Variants in LRRC57 observed in about 807,000 individuals in gnomAD.
LRRC57 encodes leucine rich repeat containing 57.
Under a neutral mutation model 23.1 loss-of-function variants are expected in LRRC57, and 14 were observed. The observed-to-expected ratio is 0.61, with a 90% confidence interval of 0.40 to 0.95. The LOEUF is 0.95. LRRC57 is among the 40% of genes least tolerant of loss of function. The pLI is 0.00. For missense variants in LRRC57, 236 were observed against 284.4 expected (o/e 0.83, Z 1.22); for synonymous variants, 106 against 115.2 (o/e 0.92, Z 0.51).
Position 42,548,346 on chromosome 15 carries a change from C to A in LRRC57, c.84+5G>T. On this transcript the variant is annotated splice_donor_5th_base_variant and intron_variant, in intron 2 of 5. Coordinates refer to ENST00000397130, the MANE Select transcript of LRRC57 (RefSeq NM_153260.3). ...GTTCCCTGGTCGTGTCCCTCCCAGT[C>A]TCACCTCGGTCAGCCCTCGGTCCTT... 2 of 1,614,260 alleles carry A rather than the reference C, an allele frequency of 1.2e-6. No individual in the cohort carries two copies. The highest frequency in any genetic ancestry group is 1.3e-5 in the African/African-American group (1 of 75,068).
the LRRC57 span, among the ~76,000 whole-genome samples, chr15:42,530,132 A>G: frequency 3.9e-5 from 6 of 152,228 alleles, no homozygotes; most frequent in East Asian, 1.2e-3. Flanking sequence ...TTTGTTAACT[A>G]ATTTTTTAAT....
chr15:42,531,439 T>C, the LRRC57 span: 1 of 1,596,602 alleles, frequency 6.3e-7, no homozygotes, highest in Admixed American at 1.7e-5. Flanking sequence ...ATCGTATTGA[T>C]ATTGCCAATG....
chr15:42,533,706 T>G (rs13380325), downstream of LRRC57, among the ~76,000 whole-genome samples: 660 of 152,360 alleles, frequency 4.3e-3, 4 homozygotes, highest in African/African-American at 0.015. Flanking sequence ...TAAGATCATT[T>G]CTGTGCCTTA....
At chr15:42,535,128 G>GA (rs1399610874), downstream of LRRC57, among the ~76,000 whole-genome samples, 1 of 152,200 alleles carries the variant, frequency 6.6e-6, no homozygotes, top group Non-Finnish European at 1.5e-5. Flanking sequence ...CATCTACATT[G>GA]AAAAATCTAT....
At chr15:42,548,289 G>A (rs1274121723) in intron 2 of LRRC57, 45 bp from the exon 3 acceptor site, 1 of 1,613,846 alleles carries the variant, frequency 6.2e-7, no homozygotes, top group Non-Finnish European at 8.5e-7. Flanking sequence ...CACCGACTAA[G>A]TTCGCCGCCC....
intron 5 of LRRC57, among the ~76,000 whole-genome samples, chr15:42,544,815 T>A (rs201219490): frequency 1.5e-5 from 2 of 131,820 alleles, no homozygotes; most frequent in African/African-American, 3.5e-5. Flanking sequence ...AGACCCTGTC[T>A]CACACACACA....
the LRRC57 span, chr15:42,529,943 C>A: frequency 9.8e-7 from 1 of 1,024,440 alleles, no homozygotes. Context: ...GGTCTTAATT[C>A]TGATGAGGTG....
chr15:42,531,633 T>C, the LRRC57 span: 3 of 511,186 alleles, frequency 5.9e-6, no homozygotes, highest in African/African-American at 3.9e-5. Context: ...CCTTCTTTTT[T>C]GTTTTCTGTT....
At position 42,545,277 on chromosome 15, in the gene LRRC57, C is replaced by T. The variant is rs749345432; in HGVS notation, c.493-15G>A. 6.5e-7 allele frequency: 1 copy of T among 1,542,812 alleles called. No homozygotes were observed. The highest frequency in any genetic ancestry group is 8.7e-7 in the Non-Finnish European group (1 of 1,146,956). Reference sequence around the variant, plus strand: ...ATCTGAGATATCTATTGAAAAACCACAAAAGAATAACAGGAAAAAGCATAA... The same window carrying T: ...ATCTGAGATATCTATTGAAAAACCATAAAAGAATAACAGGAAAAAGCATAA... On this transcript the variant is annotated splice_polypyrimidine_tract_variant and intron_variant, in intron 4 of 5. Coordinates refer to ENST00000397130, the MANE Select transcript of LRRC57 (RefSeq NM_153260.3).
In LRRC57 at chr15:42,538,699, G is replaced by A. The variant is rs774851782; in HGVS notation, c.*5384C>T. ...TACTCTGTCATGGCCACTATGCTAA[G>A]TGCTTTTATATAGTTTTTTGCAACA... On this transcript the variant is annotated 3_prime_UTR_variant, in exon 6 of 6. Transcript: ENST00000397130. 1.1e-4 allele frequency: 16 copies of A among 152,196 alleles called. No individual in the cohort carries two copies. The highest frequency in any genetic ancestry group is 1.8e-4 in the Non-Finnish European group (12 of 68,032). The allele number at this position is 152,196 out of a possible 1,614,324, so 9.4% of individuals were successfully genotyped here.
At chr15:42,537,603 G>A (rs998958203), downstream of LRRC57, among the ~76,000 whole-genome samples, 3 of 152,130 alleles carry the variant, frequency 2.0e-5, no homozygotes, top group Non-Finnish European at 4.4e-5. Flanking sequence ...GGTTATTGCA[G>A]CACTATTCAT....
Position 42,541,179 on chromosome 15 carries a change from T to G in LRRC57, c.*2904A>C, listed in dbSNP as rs2057627417. The stretch of plus-strand genomic sequence containing the variant: ...AACTCCTAAACTGGTATGGATAAAC[T>G]AGTACCCCTTTCAAAGTGAGAAATA... On this transcript the variant is annotated 3_prime_UTR_variant, in exon 6 of 6. Transcript: ENST00000397130. 1 of 152,048 alleles carries G rather than the reference T, an allele frequency of 6.6e-6. No homozygotes were observed. 9.4% of individuals were successfully genotyped at this position (152,048 alleles called of 1,614,324 possible). A position where few individuals can be genotyped will look rare whatever the true frequency, so the allele number is the denominator to read the frequency against.
rs2057640998 is a variant in LRRC57 at position 42,543,390 on chromosome 15, G to C, written c.*693C>G. ...AATTTTTGTATTTTTAGTAGAGACA[G>C]GGTTTCCTCATGTTGGCCACGCTAG... On this transcript the variant is annotated 3_prime_UTR_variant, in exon 6 of 6. Coordinates refer to ENST00000397130, the MANE Select transcript of LRRC57 (RefSeq NM_153260.3). 1 of 151,844 alleles carries C rather than the reference G, an allele frequency of 6.6e-6. No homozygotes were observed. 9.4% of individuals were successfully genotyped at this position (151,844 alleles called of 1,614,324 possible). A position where few individuals can be genotyped will look rare whatever the true frequency, so the allele number is the denominator to read the frequency against.
the LRRC57 span, chr15:42,529,562 T>C: frequency 9.5e-7 from 1 of 1,054,698 alleles, no homozygotes; most frequent in African/African-American, 1.6e-5. Context: ...TATATTCTTT[T>C]GGATCTTATA....
At chr15:42,534,910 T>C (rs1352784733), downstream of LRRC57, among the ~76,000 whole-genome samples, 4 of 152,246 alleles carry the variant, frequency 2.6e-5, no homozygotes, top group Non-Finnish European at 4.4e-5. Flanking sequence ...TTGTTCCATT[T>C]ATAGAGCACA....
the LRRC57 span, chr15:42,532,296 A>C: frequency 6.6e-6 from 1 of 151,908 alleles, no homozygotes; most frequent in South Asian, 2.1e-4. Flanking sequence ...TCACCATGTC[A>C]AGCTGGTCTT....
chr15:42,540,684 G>C lies in LRRC57; in HGVS notation c.*3399C>G, dbSNP rs141312990. On this transcript the variant is annotated 3_prime_UTR_variant, in exon 6 of 6. Transcript: ENST00000397130. The stretch of plus-strand genomic sequence containing the variant: ...GGTAGTTGTGGATTCTGATAAGAGT[G>C]TGGATTAAACTCCAATTAATAATTA... 151 of 152,324 alleles carry C rather than the reference G, an allele frequency of 9.9e-4. No individual in the cohort carries two copies. The highest frequency in any genetic ancestry group is 3.5e-3 in the African/African-American group (145 of 41,562). The allele number at this position is 152,324 out of a possible 1,614,324, so 9.4% of individuals were successfully genotyped here.
intron 4 of LRRC57, among the ~76,000 whole-genome samples, chr15:42,546,043 C>G (rs1373071894): frequency 1.3e-5 from 2 of 152,166 alleles, no homozygotes; most frequent in African/African-American, 4.8e-5. Flanking sequence ...CACTACTGTT[C>G]CTTTAGGCCC....
chr15:42,528,997 GA>G, the LRRC57 span, among the ~76,000 whole-genome samples: 328 of 152,196 alleles, frequency 2.2e-3, 2 homozygotes, highest in Non-Finnish European at 4.1e-3. Flanking sequence ...TTTATATATA[GA>G]AAAAAATAGG....
Sources: gnomAD v4.1 joint callset for allele counts (sites outside exome capture counted in the v4.1 genomes callset) on GRCh38, gnomAD v4.1.1 for gene constraint, MANE v1.5 for transcripts, NCBI Gene and HGNC (gene_info 2026-07-23, HGNC 2026-07-21) for gene names.